Variants in ARHGAP18 observed in about 807,000 individuals in gnomAD.
The protein encoded by ARHGAP18 is Rho GTPase activating protein 18.
In ARHGAP18, 67 loss-of-function variants were observed where a neutral mutation model predicts 86.2. That is an observed-to-expected ratio of 0.78 (90% CI 0.64 to 0.95). The LOEUF (loss-of-function observed/expected upper bound fraction) is 0.95, where lower values mean the gene tolerates loss of function less well. Ranked by LOEUF, ARHGAP18 falls within the 40% of genes least tolerant of loss-of-function variation. The pLI, the probability that ARHGAP18 is intolerant of heterozygous loss-of-function variation, is 0.00. For missense variants in ARHGAP18, 691 were observed against 780.4 expected, an observed-to-expected ratio of 0.89 and a Z score of 1.37; for synonymous variants, 283 against 280.4, an observed-to-expected ratio of 1.01 and a Z score of -0.09.
At chr6:129,659,200 G>T (rs1773900232) in intron 1 of ARHGAP18, among the ~76,000 whole-genome samples, 1 of 152,164 alleles carries the variant, frequency 6.6e-6, no homozygotes, top group Non-Finnish European at 1.5e-5. Context: ...ATGACCACAG[G>T]TTGCTGATGA....
At chr6:129,698,747 T>G (rs1182614472) in intron 1 of ARHGAP18, among the ~76,000 whole-genome samples, 1 of 141,078 alleles carries the variant, frequency 7.1e-6, no homozygotes, top group African/African-American at 2.7e-5. Flanking sequence ...CAAGCTGGAG[T>G]GCAATGGCAA....
rs762532256 is a variant in ARHGAP18 at position 129,600,756 on chromosome 6, G to A, written c.1458C>T (p.Leu486=). The change falls in exon 11 of 15, where the codon CTC becomes CTT. Residue 486 remains leucine (L), a synonymous_variant. Coordinates refer to ENST00000368149, the MANE Select transcript of ARHGAP18 (RefSeq NM_033515.3). ...TCAATCCCAATGCATGACACATAAAGAGATTCGGGGCCATGACCATTGCTA... is the reference window on the plus strand; with the variant it reads ...TCAATCCCAATGCATGACACATAAAAAGATTCGGGGCCATGACCATTGCTA... ...MNVAMVMAPN[L]FMCHALGLKS... The A allele has an allele frequency of 6.2e-7, 1 of 1,613,704 alleles. No individual in the cohort carries two copies. Among genetic ancestry groups the A allele is most frequent in the Non-Finnish European group, 8.5e-7 (1 of 1,179,808 alleles).
intron 3 of ARHGAP18, among the ~76,000 whole-genome samples, chr6:129,638,120 G>T (rs1773371266): frequency 6.6e-6 from 1 of 152,126 alleles, no homozygotes; most frequent in Admixed American, 6.5e-5. Flanking sequence ...ACCCCTAGTG[G>T]AGTTAAAGTC....
At chr6:129,659,676 C>T (rs1180576134) in intron 1 of ARHGAP18, among the ~76,000 whole-genome samples, 1 of 152,018 alleles carries the variant, frequency 6.6e-6, no homozygotes, top group African/African-American at 2.4e-5. Flanking sequence ...TTCGGCATGT[C>T]GGCCAGGCTG....
intron 1 of ARHGAP18, among the ~76,000 whole-genome samples, chr6:129,648,293 C>G (rs968724939): frequency 2.0e-5 from 3 of 151,872 alleles, no homozygotes; most frequent in Non-Finnish European, 4.4e-5. Context: ...AACTTAGCCT[C>G]CCTGAGTAGG....
intron 1 of ARHGAP18, among the ~76,000 whole-genome samples, chr6:129,681,156 T>TA (rs1466943673): frequency 1.3e-5 from 2 of 152,176 alleles, no homozygotes; most frequent in Non-Finnish European, 2.9e-5. Context: ...CGGCTCACTG[T>TA]AACCTCCACC....
intron 4 of ARHGAP18, among the ~76,000 whole-genome samples, chr6:129,631,853 G>C (rs1183489979): frequency 2.6e-5 from 4 of 151,676 alleles, no homozygotes; most frequent in African/African-American, 4.8e-5. Flanking sequence ...AAAAATTATT[G>C]GGGCATTATT....
At chr6:129,602,598 T>A (rs1037592671) in intron 10 of ARHGAP18, among the ~76,000 whole-genome samples, 3 of 152,178 alleles carry the variant, frequency 2.0e-5, no homozygotes, top group African/African-American at 7.2e-5. Flanking sequence ...AGCTTTAATA[T>A]CTAACAATGA....
chr6:129,676,036 G>A (rs1329676941), intron 1 of ARHGAP18, among the ~76,000 whole-genome samples: 2 of 152,182 alleles, frequency 1.3e-5, no homozygotes, highest in Non-Finnish European at 2.9e-5. Context: ...CCTGGTTGGT[G>A]CCATTGCGGC....
At chr6:129,627,566 C>G (rs748588805) in intron 5 of ARHGAP18, among the ~76,000 whole-genome samples, 4 of 151,552 alleles carry the variant, frequency 2.6e-5, no homozygotes, top group Non-Finnish European at 4.4e-5. Flanking sequence ...GGGGGAAACT[C>G]TCCACAATTT....
chr6:129,587,550 C>T (rs966173396), intron 12 of ARHGAP18, among the ~76,000 whole-genome samples: 1 of 152,076 alleles, frequency 6.6e-6, no homozygotes, highest in African/African-American at 2.4e-5. Context: ...CTAGGGAGGC[C>T]TCAGGAAACT....
chr6:129,600,936 G>GA, intron 10 of ARHGAP18, 88 bp from the exon 11 acceptor site: 1 of 1,156,934 alleles, frequency 8.6e-7, no homozygotes. Context: ...TTATTTCATT[G>GA]AAAAAACAAG....
rs1789431055 is a variant in ARHGAP18 at position 129,625,796 on chromosome 6, T to TATATTATATATTATATATTTA, written c.786+3556_786+3557insTAAATATATAATATATAATAT. Among the ~76,000 whole-genome samples, 5 of 33,780 alleles carry TATATTATATATTATATATTTA rather than the reference T, an allele frequency of 1.5e-4. 1 individual carries two copies. 22.2% of individuals were successfully genotyped at this position (33,780 alleles called of 152,430 possible). ...ATATTTATATATATAATATATATTTTTATATTATATATTATATATTTATAT... is the reference window on the plus strand; with the variant it reads ...ATATTTATATATATAATATATATTTTATATTATATATTATATATTTATATATTATATATTATATATTTATAT... On this transcript the variant is annotated intron_variant, in intron 5 of 14. Coordinates refer to ENST00000368149, the MANE Select transcript of ARHGAP18 (RefSeq NM_033515.3).
At chr6:129,605,427 C>T (rs984518381) in intron 10 of ARHGAP18, among the ~76,000 whole-genome samples, 1 of 152,124 alleles carries the variant, frequency 6.6e-6, no homozygotes. Context: ...ACTTCAAAAT[C>T]TACCATTTCA....
At chr6:129,652,117 C>T (rs1773726674) in intron 1 of ARHGAP18, among the ~76,000 whole-genome samples, 1 of 152,218 alleles carries the variant, frequency 6.6e-6, no homozygotes, top group African/African-American at 2.4e-5. Context: ...CATTTTGTTA[C>T]AACAGCACAG....
At chr6:129,676,335 G>A (rs968300582) in intron 1 of ARHGAP18, among the ~76,000 whole-genome samples, 10 of 152,124 alleles carry the variant, frequency 6.6e-5, no homozygotes, top group African/African-American at 2.2e-4. Context: ...TTGCAGAGGG[G>A]GGGCAACAGG....
intron 1 of ARHGAP18, among the ~76,000 whole-genome samples, chr6:129,684,205 C>G (rs780673123): frequency 6.6e-6 from 1 of 152,150 alleles, no homozygotes; most frequent in Non-Finnish European, 1.5e-5. Flanking sequence ...ATGATGCATG[C>G]GATAGCTAAG....
intron 3 of ARHGAP18, among the ~76,000 whole-genome samples, chr6:129,637,766 T>G (rs1351511641): frequency 6.6e-6 from 1 of 152,236 alleles, no homozygotes; most frequent in Admixed American, 6.5e-5. Flanking sequence ...TCCATAAATC[T>G]TCTTTGACCA....
intron 1 of ARHGAP18, among the ~76,000 whole-genome samples, chr6:129,657,446 C>A (rs370012683): frequency 0.014 from 1,601 of 115,868 alleles, 24 homozygotes; most frequent in African/African-American, 0.046. Context: ...AAAAAAAAAA[C>A]AACTTAATAC....
Sources: gnomAD v4.1 joint callset for allele counts (sites outside exome capture counted in the v4.1 genomes callset) on GRCh38, gnomAD v4.1.1 for gene constraint, MANE v1.5 for transcripts, NCBI Gene and HGNC (gene_info 2026-07-23, HGNC 2026-07-21) for gene names.